R3HDM1: variants seen among roughly 807,000 people sequenced by gnomAD.
R3HDM1 encodes the protein R3H domain containing 1.
Under a neutral mutation model 141.1 loss-of-function variants are expected in R3HDM1, and 46 were observed. The ratio of observed to expected loss-of-function variants is 0.33; its 90% CI spans 0.26 to 0.42. The LOEUF (loss-of-function observed/expected upper bound fraction) is 0.42. R3HDM1 is among the 10% of genes least tolerant of loss of function. The pLI, the probability that R3HDM1 is intolerant of heterozygous loss-of-function variation, is 1.00. For missense variants in R3HDM1, 1,184 were observed against 1,368.3 expected (o/e 0.87, Z 2.12); for synonymous variants, 435 against 472.9 (o/e 0.92, Z 1.04).
rs866725751 is a variant in R3HDM1 at position 135,592,015 on chromosome 2, A to G, written c.-249-10485A>G. 1.2e-4 allele frequency among the ~76,000 whole-genome samples: 18 copies of G among 152,300 alleles called. 1 individual carries two copies. In the South Asian group the frequency reaches 3.7e-3, roughly 32 times the overall value. ...AGAGTTTTTATTGGGATCTCATTAC[A>G]TTGGCATGATTAATTGAATCATTGG... is the stretch of plus-strand genomic sequence containing the variant. On this transcript the variant is annotated intron_variant, in intron 1 of 26. Coordinates refer to ENST00000683871, the MANE Select transcript of R3HDM1 (RefSeq NM_001378107.1).
At chr2:135,548,258 T>C (rs562267453) in intron 1 of R3HDM1, among the ~76,000 whole-genome samples, 1 of 152,330 alleles carries the variant, frequency 6.6e-6, no homozygotes, top group South Asian at 2.1e-4. Context: ...TTTGATAAAT[T>C]ACTCAATTTT....
intron 5 of R3HDM1, among the ~76,000 whole-genome samples, chr2:135,619,411 A>T (rs1404853612): frequency 1.3e-5 from 2 of 152,238 alleles, no homozygotes; most frequent in Non-Finnish European, 1.5e-5. Context: ...TACATTATTG[A>T]TCATAGATAA....
rs181468592 is a variant in R3HDM1 at position 135,594,984 on chromosome 2, C to T, written c.-249-7516C>T. Among the ~76,000 whole-genome samples the T allele has an allele frequency of 4.5e-3, 688 of 151,812 alleles. 9 individuals carry two copies. Among genetic ancestry groups the T allele is most frequent in the African/African-American group, 0.016 (647 of 41,312 alleles). ...GTTCCCTAGGGATTCTACACCCCCC[C>T]CCCTTTTCAATGAAGGCTTGTGGGC... On this transcript the variant is annotated intron_variant, in intron 1 of 26. Coordinates refer to ENST00000683871, the MANE Select transcript of R3HDM1 (RefSeq NM_001378107.1).
Position 135,715,480 on chromosome 2 carries a change from TAATCAGG to T in R3HDM1, c.2737-67_2737-61del. The stretch of plus-strand genomic sequence containing the variant: ...TTATTTTCTAACAAGTACGTATATG[TAATCAGG>T]AAGAATAAAAAATAAGCCTGCCCAA... On this transcript the variant is annotated intron_variant, in intron 23 of 26. Coordinates refer to ENST00000683871, the MANE Select transcript of R3HDM1 (RefSeq NM_001378107.1). 5.3e-6 allele frequency: 8 copies of T among 1,503,594 alleles called. No individual in the cohort carries two copies. The South Asian group carries it at 9.8e-5, about 18-fold the overall frequency. 93.1% of individuals were successfully genotyped at this position (1,503,594 alleles called of 1,614,324 possible).
intron 1 of R3HDM1, among the ~76,000 whole-genome samples, chr2:135,572,561 A>G (rs10221793): frequency 0.033 from 5,095 of 152,326 alleles, 284 homozygotes; most frequent in African/African-American, 0.11. Context: ...ATGTGGAGAA[A>G]TTGGAACCGT....
intron 9 of R3HDM1, among the ~76,000 whole-genome samples, chr2:135,632,818 CATAA>C (rs2062855417): frequency 6.6e-6 from 1 of 152,174 alleles, no homozygotes; most frequent in South Asian, 2.1e-4. Flanking sequence ...CTTCAGATGG[CATAA>C]ATAATCCTTT....
At chr2:135,671,728 C>G (rs2105333862) in intron 19 of R3HDM1, among the ~76,000 whole-genome samples, 1 of 152,012 alleles carries the variant, frequency 6.6e-6, no homozygotes, top group South Asian at 2.1e-4. Flanking sequence ...ATAATCGCAG[C>G]ACTTTAGGAG....
chr2:135,590,342 ATTTT>A (rs759069754), intron 1 of R3HDM1, among the ~76,000 whole-genome samples: 4 of 152,068 alleles, frequency 2.6e-5, no homozygotes, highest in Non-Finnish European at 4.4e-5. Flanking sequence ...AGAGCAGAAC[ATTTT>A]TTTATTCCAG....
At chr2:135,691,607 A>T (rs1257207404) in intron 21 of R3HDM1, among the ~76,000 whole-genome samples, 1 of 152,038 alleles carries the variant, frequency 6.6e-6, no homozygotes, top group East Asian at 1.9e-4. Context: ...CAAAAAAAAA[A>T]CAGAAGTAAA....
intron 1 of R3HDM1, among the ~76,000 whole-genome samples, chr2:135,541,780 T>C (rs1413201272): frequency 6.8e-6 from 1 of 148,140 alleles, no homozygotes; most frequent in African/African-American, 2.5e-5. Context: ...AGACATGAAG[T>C]GAGCACATGT....
intron 24 of R3HDM1, among the ~76,000 whole-genome samples, chr2:135,720,387 T>G (rs1334075801): frequency 1.3e-5 from 2 of 152,228 alleles, no homozygotes; most frequent in Non-Finnish European, 1.5e-5. Flanking sequence ...GTGTACAGTT[T>G]CCTGAGGATG....
At chr2:135,541,920 G>A (rs1234611895) in intron 1 of R3HDM1, among the ~76,000 whole-genome samples, 1 of 151,152 alleles carries the variant, frequency 6.6e-6, no homozygotes, top group Admixed American at 6.6e-5. Context: ...TATAGGTTGA[G>A]TATTTTTTAC....
chr2:135,654,997 G>A (rs779562746), intron 18 of R3HDM1, among the ~76,000 whole-genome samples: 4 of 151,850 alleles, frequency 2.6e-5, no homozygotes, highest in Non-Finnish European at 5.9e-5. Flanking sequence ...CACTCATTCT[G>A]TAAAATTGTC....
chr2:135,665,607 G>A, intron 19 of R3HDM1: 1 of 257,900 alleles, frequency 3.9e-6, no homozygotes, highest in South Asian at 3.9e-5. Flanking sequence ...TCAGAAATAG[G>A]GATTAGAATT....
intron 15 of R3HDM1, among the ~76,000 whole-genome samples, chr2:135,642,301 A>T (rs1559324183): frequency 6.6e-6 from 1 of 152,134 alleles, no homozygotes; most frequent in Non-Finnish European, 1.5e-5. Flanking sequence ...TAAAAAAAAA[A>T]TTGGGGGGAG....
chr2:135,651,063 C>T (rs1399360602), intron 17 of R3HDM1: 1 of 985,158 alleles, frequency 1.0e-6, no homozygotes, highest in Non-Finnish European at 1.2e-6. Flanking sequence ...TAACCCTTGT[C>T]TTGGTAGGGC....
At chr2:135,666,921 TA>T (rs59959578) in intron 19 of R3HDM1, 4,929 of 181,732 alleles carry the variant, frequency 0.027, no homozygotes, top group Non-Finnish European at 0.045. Context: ...GGCTCATCTT[TA>T]AAAAAAAAAA....
chr2:135,646,538 A>C (rs1241859645), intron 16 of R3HDM1, among the ~76,000 whole-genome samples: 2 of 151,462 alleles, frequency 1.3e-5, no homozygotes, highest in African/African-American at 4.8e-5. Flanking sequence ...AAACATGCAG[A>C]GTGATTTTGT....
chr2:135,607,926 A>C, intron 3 of R3HDM1: 1 of 983,988 alleles, frequency 1.0e-6, no homozygotes, highest in African/African-American at 1.7e-5. Context: ...TAGCGACTGT[A>C]ACGATTTGGA....
Sources: allele counts gnomAD v4.1 joint callset (sites outside exome capture counted in the v4.1 genomes callset), GRCh38; gene constraint gnomAD v4.1.1; transcripts MANE v1.5; gene names NCBI Gene and HGNC (gene_info 2026-07-23, HGNC 2026-07-21).